STXBP5L: variants seen among roughly 807,000 people sequenced by gnomAD.
STXBP5L encodes syntaxin binding protein 5L, also known as syntaxin-binding protein 5-like.
STXBP5L carries 65 observed loss-of-function variants against 144.5 expected under a neutral mutation model. The ratio of observed to expected loss-of-function variants is 0.45; its 90% confidence interval spans 0.37 to 0.55. The LOEUF is 0.55. STXBP5L is among the 20% of genes least tolerant of loss of function. STXBP5L has a pLI of 0.00. For missense variants in STXBP5L, 1,298 were observed against 1,405.5 expected (o/e 0.92, Z 1.22); for synonymous variants, 505 against 469.6 (o/e 1.08, Z -0.97).
chr3:121,046,456 C>G (rs993160122), intron 5 of STXBP5L, among the ~76,000 whole-genome samples: 1 of 152,050 alleles, frequency 6.6e-6, no homozygotes, highest in African/African-American at 2.4e-5. Flanking sequence ...CTTTATGCAT[C>G]TGGTGGAATT....
chr3:120,951,175 C>T (rs1427148614), intron 2 of STXBP5L, among the ~76,000 whole-genome samples: 10 of 152,056 alleles, frequency 6.6e-5, no homozygotes, highest in Non-Finnish European at 1.0e-4. Flanking sequence ...AAGACTTAAA[C>T]ATTAGACCTA....
chr3:121,085,154 C>T (rs2042429833), intron 5 of STXBP5L, among the ~76,000 whole-genome samples: 1 of 152,042 alleles, frequency 6.6e-6, no homozygotes, highest in South Asian at 2.1e-4. Flanking sequence ...AATTTTCTCC[C>T]ATTCTGTAGG....
intron 7 of STXBP5L, among the ~76,000 whole-genome samples, chr3:121,148,512 T>C (rs1224860666): frequency 6.6e-6 from 1 of 152,144 alleles, no homozygotes; most frequent in Admixed American, 6.6e-5. Context: ...CCCAAAGCTA[T>C]GAAAACATCC....
rs149499956 is a variant in STXBP5L, at chr3:121,080,653, A to G, written c.471-34272A>G. On this transcript the variant is annotated intron_variant, in intron 5 of 26. Transcript: ENST00000471454. Reference sequence around the variant, plus strand: ...TAAGGAGGTGGAAGATGGGACCACAATCCCTTCTGGCTTGAATCCCTTCTG... The same window carrying G: ...TAAGGAGGTGGAAGATGGGACCACAGTCCCTTCTGGCTTGAATCCCTTCTG... Among the ~76,000 whole-genome samples, 465 of 152,280 alleles carry G rather than the reference A, an allele frequency of 3.1e-3. 5 individuals carry two copies. Among genetic ancestry groups the G allele is most frequent in the African/African-American group, 0.011 (448 of 41,558 alleles).
chr3:121,308,029 T>C (rs1333828311), intron 19 of STXBP5L, among the ~76,000 whole-genome samples: 2 of 152,138 alleles, frequency 1.3e-5, no homozygotes, highest in Non-Finnish European at 2.9e-5. Context: ...GGATGACATA[T>C]TCAAATTGGT....
At chr3:121,371,873 G>T (rs987338538) in intron 20 of STXBP5L, among the ~76,000 whole-genome samples, 3 of 152,226 alleles carry the variant, frequency 2.0e-5, no homozygotes, top group Admixed American at 2.0e-4. Flanking sequence ...GACTGCCAAT[G>T]CTTCAACAAC....
chr3:121,038,653 C>G (rs965836762), intron 3 of STXBP5L, among the ~76,000 whole-genome samples: 17 of 151,752 alleles, frequency 1.1e-4, no homozygotes, highest in Non-Finnish European at 2.5e-4. Context: ...TTCATTTTTA[C>G]TGATTTTGTC....
intron 3 of STXBP5L, among the ~76,000 whole-genome samples, chr3:121,006,614 G>C (rs1944330880): frequency 6.6e-6 from 1 of 152,112 alleles, no homozygotes; most frequent in Non-Finnish European, 1.5e-5. Flanking sequence ...TGGTTATTTT[G>C]CTTGTTAGTT....
chr3:121,215,203 T>G (rs1302985795), intron 10 of STXBP5L, among the ~76,000 whole-genome samples: 26 of 152,322 alleles, frequency 1.7e-4, no homozygotes, highest in Non-Finnish European at 1.3e-4. Context: ...CCCACTTACA[T>G]TTAAGGTTAA....
At chr3:121,382,072 A>T (rs1366281047) in intron 22 of STXBP5L, among the ~76,000 whole-genome samples, 1 of 152,022 alleles carries the variant, frequency 6.6e-6, no homozygotes, top group East Asian at 1.9e-4. Flanking sequence ...GTTGCCAAGC[A>T]TATGTTGTAT....
At position 121,418,439 on chromosome 3, in the gene STXBP5L, G is replaced by C; in HGVS notation, c.3329G>C (p.Gly1110Ala). The change falls in exon 26 of 27, where the codon GGA (glycine) becomes GCA (alanine). Residue 1110 changes from glycine (G) to alanine (A), a missense_variant. Coordinates refer to ENST00000471454, the MANE Select transcript of STXBP5L (RefSeq NM_001308330.2). ...AAAGGCGCTGCTGGAGGGGTGATGGGAGAGCTGACCCGTGCACGGATTGCA... is the reference window on the plus strand; with the variant it reads ...AAAGGCGCTGCTGGAGGGGTGATGGCAGAGCTGACCCGTGCACGGATTGCA... ...GMKGAAGGVM[G>A]ELTRARIALD... The C allele has an allele frequency of 1.2e-6, 2 of 1,614,124 alleles. No individual in the cohort carries two copies. Among genetic ancestry groups the C allele is most frequent in the Non-Finnish European group, 1.7e-6 (2 of 1,179,996 alleles).
chr3:121,056,709 T>A (rs1948483825), intron 5 of STXBP5L, among the ~76,000 whole-genome samples: 1 of 152,152 alleles, frequency 6.6e-6, no homozygotes, highest in African/African-American at 2.4e-5. Context: ...CCTGGACACT[T>A]ACTTACTTCC....
At chr3:121,252,308 G>GT (rs2050052987) in intron 15 of STXBP5L, among the ~76,000 whole-genome samples, 1 of 151,826 alleles carries the variant, frequency 6.6e-6, no homozygotes, top group East Asian at 1.9e-4. Context: ...AGAGGTTGCA[G>GT]TGAGCCGAGA....
intron 3 of STXBP5L, among the ~76,000 whole-genome samples, chr3:120,974,843 A>G (rs1940754216): frequency 6.6e-6 from 1 of 152,160 alleles, no homozygotes; most frequent in Non-Finnish European, 1.5e-5. Context: ...GTCAAAGATC[A>G]GATAGTTGTA....
At chr3:120,927,022 G>T (rs113059165) in intron 2 of STXBP5L, among the ~76,000 whole-genome samples, 18,118 of 148,824 alleles carry the variant, frequency 0.12, 1,143 homozygotes, top group Non-Finnish European at 0.14. Context: ...TGCAACCTCC[G>T]CCTGCCAGGT....
chr3:120,961,732 A>T (rs139863714), intron 3 of STXBP5L, among the ~76,000 whole-genome samples: 2,233 of 152,310 alleles, frequency 0.015, 31 homozygotes, highest in Non-Finnish European at 0.022. Flanking sequence ...CACCATAAAC[A>T]TACGTGTGCA....
intron 3 of STXBP5L, among the ~76,000 whole-genome samples, chr3:121,036,081 C>T (rs138512161): frequency 6.6e-6 from 1 of 152,026 alleles, no homozygotes; most frequent in African/African-American, 2.4e-5. Context: ...CAACTGTAAT[C>T]CAGCACTTTG....
intron 3 of STXBP5L, among the ~76,000 whole-genome samples, chr3:121,032,049 T>C (rs760209864): frequency 6.6e-6 from 1 of 152,090 alleles, no homozygotes; most frequent in Non-Finnish European, 1.5e-5. Context: ...AGTATTTAGA[T>C]ACATTTTCTG....
intron 3 of STXBP5L, among the ~76,000 whole-genome samples, chr3:120,973,791 G>T (rs559277849): frequency 2.1e-4 from 32 of 151,970 alleles, no homozygotes; most frequent in African/African-American, 7.7e-4. Context: ...AGAACATGCG[G>T]TGTTTGGTTT....
Sources: allele counts gnomAD v4.1 joint callset (sites outside exome capture counted in the v4.1 genomes callset), GRCh38; gene constraint gnomAD v4.1.1; transcripts MANE v1.5; gene names NCBI Gene and HGNC (gene_info 2026-07-23, HGNC 2026-07-21).